The following TOX variants were observed in gnomAD, a reference collection of about 807,000 sequenced individuals.
The protein encoded by TOX is thymocyte selection associated high mobility group box, also known as thymocyte selection-associated high mobility group box protein TOX.
Under a neutral mutation model 53.7 loss-of-function variants are expected in TOX, and 11 were observed. That is an observed-to-expected ratio of 0.20 (90% CI 0.13 to 0.34). The LOEUF (loss-of-function observed/expected upper bound fraction) is 0.34. TOX is among the 10% of genes least tolerant of loss of function. The pLI is 1.00. For synonymous variants in TOX, 225 were observed against 245.3 expected (o/e 0.92, Z 0.77); for missense variants, 570 against 664.6 (o/e 0.86, Z 1.56).
intron 1 of TOX, among the ~76,000 whole-genome samples, chr8:58,977,210 C>T (rs997700879): frequency 6.6e-6 from 1 of 152,254 alleles, no homozygotes; most frequent in African/African-American, 2.4e-5. Context: ...TACGTCAGCA[C>T]TTGCTGTTTC....
rs765234265 is a variant in TOX, at chr8:58,808,154, T to A, written c.1508A>T (p.Gln503Leu). 2.5e-6 allele frequency: 4 copies of A among 1,613,814 alleles called. No individual in the cohort carries two copies. Among genetic ancestry groups the A allele is most frequent in the Non-Finnish European group, 2.5e-6 (3 of 1,179,962 alleles). The change falls in exon 8 of 9, where the codon CAA (glutamine) becomes CTA (leucine). Residue 503 changes from glutamine (Q) to leucine (L), a missense_variant. By Grantham distance (113) the Gln-to-Leu change is moderately radical. Coordinates refer to ENST00000361421, the MANE Select transcript of TOX (RefSeq NM_014729.3). ...GTAGTCGTTATTCCAGTCCACCGGT[T>A]GTGGGGGAGGATTTCTGCACCCCGA... ...VRSGCRNPPP[Q>L]PVDWNNDYCS...
At chr8:58,954,850 T>G (rs1190831337) in intron 2 of TOX, among the ~76,000 whole-genome samples, 1 of 152,208 alleles carries the variant, frequency 6.6e-6, no homozygotes, top group Non-Finnish European at 1.5e-5. Context: ...TTTGGGTGTT[T>G]GAACAGGTGG....
intron 3 of TOX, among the ~76,000 whole-genome samples, chr8:58,921,817 T>C (rs1812080910): frequency 6.6e-6 from 1 of 152,214 alleles, no homozygotes; most frequent in Admixed American, 6.5e-5. Flanking sequence ...AAAGAGGTCG[T>C]TTTTAGTTAT....
intron 1 of TOX, among the ~76,000 whole-genome samples, chr8:59,019,192 G>T (rs116061405): frequency 0.018 from 2,801 of 152,102 alleles, 86 homozygotes; most frequent in African/African-American, 0.063. Context: ...ACATTATATA[G>T]CATGTTTCCT....
intron 4 of TOX, among the ~76,000 whole-genome samples, chr8:58,846,281 A>G (rs1810718292): frequency 6.6e-6 from 1 of 152,130 alleles, no homozygotes; most frequent in South Asian, 2.1e-4. Context: ...GATCTAATAC[A>G]TACTTTAAAA....
chr8:58,887,601 T>C (rs1418496339), intron 3 of TOX, among the ~76,000 whole-genome samples: 2 of 152,016 alleles, frequency 1.3e-5, no homozygotes, highest in Non-Finnish European at 2.9e-5. Context: ...GTGTTTATTT[T>C]ATATAGTCTG....
intron 2 of TOX, among the ~76,000 whole-genome samples, chr8:58,957,078 A>T (rs1409214273): frequency 6.6e-6 from 1 of 152,212 alleles, no homozygotes; most frequent in Non-Finnish European, 1.5e-5. Flanking sequence ...CCAGCTGCTC[A>T]TCTGGCTTCC....
intron 1 of TOX, among the ~76,000 whole-genome samples, chr8:59,047,813 AAAC>A (rs2129421116): frequency 6.6e-6 from 1 of 152,308 alleles, no homozygotes; most frequent in Non-Finnish European, 1.5e-5. Context: ...ATTCAATTAC[AAAC>A]AACATTATCA....
intron 1 of TOX, among the ~76,000 whole-genome samples, chr8:59,108,655 AACACACACACACACAC>A (rs3084429): frequency 6.8e-6 from 1 of 147,448 alleles, no homozygotes; most frequent in African/African-American, 2.6e-5. Flanking sequence ...TCATAAAGGA[AACACACACACACACAC>A]ACACACACAC....
At chr8:58,927,135 C>T (rs1050424152) in intron 3 of TOX, among the ~76,000 whole-genome samples, 2 of 152,018 alleles carry the variant, frequency 1.3e-5, no homozygotes, top group African/African-American at 4.8e-5. Flanking sequence ...ATTTCAAGCC[C>T]ATCCTTCTTT....
chr8:59,045,269 G>A (rs941694118), intron 1 of TOX, among the ~76,000 whole-genome samples: 1 of 152,036 alleles, frequency 6.6e-6, no homozygotes, highest in African/African-American at 2.4e-5. Flanking sequence ...AGAAGCAACT[G>A]CACTGTATTT....
intron 1 of TOX, among the ~76,000 whole-genome samples, chr8:59,096,774 G>A (rs1440281315): frequency 6.6e-6 from 1 of 152,118 alleles, no homozygotes; most frequent in African/African-American, 2.4e-5. Flanking sequence ...CTAAGAACCA[G>A]GTGATGAGTG....
intron 1 of TOX, among the ~76,000 whole-genome samples, chr8:59,096,450 T>C (rs1176037046): frequency 1.3e-5 from 2 of 152,226 alleles, no homozygotes; most frequent in Non-Finnish European, 2.9e-5. Context: ...TTTTATGGGA[T>C]ACATGTTAAT....
intron 3 of TOX, among the ~76,000 whole-genome samples, chr8:58,875,250 A>G (rs1164660976): frequency 1.3e-5 from 2 of 152,202 alleles, no homozygotes; most frequent in Non-Finnish European, 2.9e-5. Context: ...TATAAAAATA[A>G]AAGTAGTGGT....
intron 3 of TOX, among the ~76,000 whole-genome samples, chr8:58,923,831 A>T (rs1812113625): frequency 6.6e-6 from 1 of 152,156 alleles, no homozygotes; most frequent in African/African-American, 2.4e-5. Flanking sequence ...CCTAATTATT[A>T]CTAGTTACCT....
rs116222780 is a variant in TOX at position 58,893,304 on chromosome 8, A to G, written c.412-41499T>C. 3.4e-3 allele frequency among the ~76,000 whole-genome samples: 522 copies of G among 152,298 alleles called. 3 individuals are homozygous for G. The highest frequency in any genetic ancestry group is 0.012 in the African/African-American group (504 of 41,572). ...ATTCATATCTTCAGGTGGCAAGAAGATAATATTTCTTTCTTTTCTCCGAAG... is the reference window on the plus strand; with the variant it reads ...ATTCATATCTTCAGGTGGCAAGAAGGTAATATTTCTTTCTTTTCTCCGAAG... On this transcript the variant is annotated intron_variant, in intron 3 of 8. Coordinates refer to ENST00000361421, the MANE Select transcript of TOX (RefSeq NM_014729.3).
chr8:59,015,886 T>C (rs1029591021), intron 1 of TOX, among the ~76,000 whole-genome samples: 5 of 152,210 alleles, frequency 3.3e-5, no homozygotes, highest in Admixed American at 6.5e-5. Flanking sequence ...TTGAGATGTT[T>C]CTATTGCTGT....
At chr8:58,863,296 T>G (rs1811040989) in intron 3 of TOX, among the ~76,000 whole-genome samples, 1 of 152,184 alleles carries the variant, frequency 6.6e-6, no homozygotes, top group South Asian at 2.1e-4. Context: ...TTTCCTCAAA[T>G]GCCCATTCTT....
chr8:58,886,142 T>A (rs1216544374), intron 3 of TOX, among the ~76,000 whole-genome samples: 2 of 152,046 alleles, frequency 1.3e-5, no homozygotes, highest in African/African-American at 2.4e-5. Flanking sequence ...AGAACAGTCT[T>A]TTTACCTGGC....
Sources: gnomAD v4.1 joint callset for allele counts (sites outside exome capture counted in the v4.1 genomes callset) on GRCh38, gnomAD v4.1.1 for gene constraint, MANE v1.5 for transcripts, NCBI Gene and HGNC (gene_info 2026-07-23, HGNC 2026-07-21) for gene names.